ZNF69: variants seen among roughly 807,000 people sequenced by gnomAD.
ZNF69 encodes ZNF3.
Under a neutral mutation model 50.9 loss-of-function variants are expected in ZNF69, and 47 were observed. The ratio of observed to expected loss-of-function variants is 0.92; its 90% CI spans 0.73 to 1.18. The LOEUF is 1.18. Among genes scored for constraint, ZNF69 ranks in the 50% most tolerant of loss-of-function variants. ZNF69 has a pLI of 0.00. For synonymous variants in ZNF69, 216 were observed against 223.1 expected, an observed-to-expected ratio of 0.97 and a Z score of 0.29; for missense variants, 717 against 675.1, an observed-to-expected ratio of 1.06 and a Z score of -0.69.
At chr19:11,974,272 C>T in the ZNF69 span, among the ~76,000 whole-genome samples, 1 of 150,798 alleles carries the variant, frequency 6.6e-6, no homozygotes, top group Non-Finnish European at 1.5e-5. Context: ...TCTCAGCTCA[C>T]TGCTGCCTCT....
chr19:11,976,584 T>C, the ZNF69 span, among the ~76,000 whole-genome samples: 5 of 140,230 alleles, frequency 3.6e-5, no homozygotes, highest in East Asian at 1.0e-3. Context: ...AAAAAATTGC[T>C]GGCCAGGTGT....
chr19:11,978,635 T>C, the ZNF69 span: 1 of 1,613,832 alleles, frequency 6.2e-7, no homozygotes, highest in Non-Finnish European at 8.5e-7. Context: ...TTAAATCCTT[T>C]AGTTATTCTG....
At chr19:11,966,444 G>T in the ZNF69 span, among the ~76,000 whole-genome samples, 1 of 152,238 alleles carries the variant, frequency 6.6e-6, no homozygotes, top group Non-Finnish European at 1.5e-5. Context: ...CTGGATCTCG[G>T]CTCACAGCAG....
At chr19:11,954,548 TTG>T in the ZNF69 span, among the ~76,000 whole-genome samples, 1 of 152,184 alleles carries the variant, frequency 6.6e-6, no homozygotes, top group Non-Finnish European at 1.5e-5. Flanking sequence ...GAATTATTCA[TTG>T]CTGGGCACAG....
the ZNF69 span, among the ~76,000 whole-genome samples, chr19:11,956,854 AAAAT>A: frequency 1.3e-5 from 2 of 152,074 alleles, no homozygotes; most frequent in Non-Finnish European, 2.9e-5. Context: ...ACTCTCCAAA[AAAAT>A]AAATAAAGCT....
chr19:11,936,450 A>G, the ZNF69 span, among the ~76,000 whole-genome samples: 4 of 152,052 alleles, frequency 2.6e-5, no homozygotes, highest in South Asian at 8.3e-4. Flanking sequence ...GTTGATGAGC[A>G]TTTTTTCATG....
chr19:11,922,667 T>A, the ZNF69 span, among the ~76,000 whole-genome samples: 3 of 1,746 alleles, frequency 1.7e-3, no homozygotes, highest in Admixed American at 0.014. Context: ...TGCAAGGAGG[T>A]CATCCGCCTG....
At chr19:11,921,127 T>C in the ZNF69 span, among the ~76,000 whole-genome samples, 2 of 152,190 alleles carry the variant, frequency 1.3e-5, no homozygotes, top group Non-Finnish European at 2.9e-5. Context: ...GTCAGATAAA[T>C]GCTCTCCAAT....
the ZNF69 span, chr19:11,949,458 A>T: frequency 6.2e-7 from 1 of 1,613,010 alleles, no homozygotes; most frequent in South Asian, 1.1e-5. Context: ...AATGTAAGGA[A>T]TGTGGGAAAG....
downstream of ZNF69, among the ~76,000 whole-genome samples, chr19:11,919,266 G>A (rs373287682): frequency 2.4e-3 from 361 of 152,130 alleles, 2 homozygotes; most frequent in African/African-American, 8.4e-3. Context: ...GGCTCTGGCA[G>A]CATTTTCATC....
chr19:11,960,630 T>C, the ZNF69 span, among the ~76,000 whole-genome samples: 14 of 151,926 alleles, frequency 9.2e-5, no homozygotes, highest in African/African-American at 3.4e-4. Context: ...CCAAGATATC[T>C]GTACATGTTT....
chr19:11,945,746 TCCCTTTCCGGGTAACTTTAG>T, the ZNF69 span, among the ~76,000 whole-genome samples: 1 of 152,024 alleles, frequency 6.6e-6, no homozygotes, highest in Non-Finnish European at 1.5e-5. Flanking sequence ...CCATGATGAC[TCCCTTTCCGGGTAACTTTAG>T]CTGTAAAAGA....
At chr19:11,892,135 ATTTT>A (rs4071659) in intron 1 of ZNF69, among the ~76,000 whole-genome samples, 10,513 of 113,816 alleles carry the variant, frequency 0.092, 679 homozygotes, top group African/African-American at 0.25. Flanking sequence ...CTCCTGGCTG[ATTTT>A]TTTTTTTTTT....
the ZNF69 span, among the ~76,000 whole-genome samples, chr19:11,928,772 T>TA: frequency 6.9e-6 from 1 of 143,976 alleles, no homozygotes; most frequent in Non-Finnish European, 1.5e-5. Context: ...TCTGTAGTCT[T>TA]ACTACAGAGA....
At chr19:11,963,974 C>T in the ZNF69 span, among the ~76,000 whole-genome samples, 1 of 152,226 alleles carries the variant, frequency 6.6e-6, no homozygotes, top group African/African-American at 2.4e-5. Context: ...CCATTTTATA[C>T]ATAAACATAG....
At chr19:11,965,008 T>G in the ZNF69 span, 933 of 486,684 alleles carry the variant, frequency 1.9e-3, no homozygotes, top group East Asian at 4.1e-3. Context: ...GCCCTGCCCA[T>G]TGTTTATCCA....
chr19:11,889,105 GGAAGGAATGCT>G (rs1977018922), intron 1 of ZNF69, among the ~76,000 whole-genome samples: 2 of 152,166 alleles, frequency 1.3e-5, no homozygotes, highest in Non-Finnish European at 1.5e-5. Context: ...GGAGGAGGTA[GGAAGGAATGCT>G]GAAGGAAGGG....
the ZNF69 span, among the ~76,000 whole-genome samples, chr19:11,948,123 G>A: frequency 3.9e-5 from 6 of 152,324 alleles, no homozygotes; most frequent in African/African-American, 7.2e-5. Context: ...GGGTCATCTT[G>A]TAGAACATGT....
the ZNF69 span, chr19:11,980,128 T>G: frequency 1.2e-6 from 1 of 828,260 alleles, no homozygotes; most frequent in Non-Finnish European, 1.9e-6. Context: ...ATGGTAGGAC[T>G]CACACTGGAT....
Sources: gnomAD v4.1 joint callset for allele counts (sites outside exome capture counted in the v4.1 genomes callset) on GRCh38, gnomAD v4.1.1 for gene constraint, MANE v1.5 for transcripts, NCBI Gene and HGNC (gene_info 2026-07-23, HGNC 2026-07-21) for gene names.